STAG1: variants seen among roughly 807,000 people sequenced by gnomAD.
STAG1 encodes STAG1 cohesin complex component, also known as cohesin subunit SA-1.
A neutral mutation model predicts 170.9 loss-of-function variants in STAG1; 26 were observed. That is an observed-to-expected ratio of 0.15 (90% CI 0.11 to 0.21). STAG1 has a LOEUF of 0.21. Among genes scored for constraint, STAG1 ranks in the 10% least tolerant of loss-of-function variants. The pLI is 1.00. For missense variants in STAG1, 964 were observed against 1,509.5 expected, an observed-to-expected ratio of 0.64 and a Z score of 5.99; for synonymous variants, 514 against 497.7, an observed-to-expected ratio of 1.03 and a Z score of -0.44.
At chr3:136,424,418 T>C (rs1335215647) in intron 16 of STAG1, among the ~76,000 whole-genome samples, 1 of 150,932 alleles carries the variant, frequency 6.6e-6, no homozygotes, top group Non-Finnish European at 1.5e-5. Context: ...CAACCTCCGC[T>C]TTGCTTCCTG....
chr3:136,523,568 T>G (rs985594748), intron 6 of STAG1, among the ~76,000 whole-genome samples: 4 of 152,240 alleles, frequency 2.6e-5, no homozygotes, highest in Non-Finnish European at 4.4e-5. Flanking sequence ...GATGGTAGTT[T>G]CTTTTGCTGT....
intron 12 of STAG1, 132 bp downstream of exon 12, chr3:136,472,281 G>A (rs998800917): frequency 2.8e-5 from 14 of 501,458 alleles, no homozygotes; most frequent in South Asian, 6.2e-5. Context: ...TAAATCTAAC[G>A]TTAAAATGTA....
chr3:136,374,548 T>C lies in STAG1; in HGVS notation c.2370+3112A>G, dbSNP rs566852387. ...AGGAGAATTGCTTGAACCTGGGAGG[T>C]GGAGGTTGGGGTGACCCGAGAATGT... On this transcript the variant is annotated intron_variant, in intron 23 of 33. Transcript: ENST00000383202. Among the ~76,000 whole-genome samples, 143 of 150,860 alleles carry C rather than the reference T, an allele frequency of 9.5e-4. No homozygotes were observed. The South Asian group carries it at 0.013, about 14-fold the overall frequency.
intron 1 of STAG1, among the ~76,000 whole-genome samples, chr3:136,658,485 T>C (rs534597762): frequency 2.6e-5 from 4 of 152,134 alleles, no homozygotes; most frequent in African/African-American, 9.7e-5. Flanking sequence ...CAAATATAAC[T>C]ATACACCAGC....
chr3:136,519,414 G>C (rs1050379889), intron 7 of STAG1, among the ~76,000 whole-genome samples: 1 of 151,980 alleles, frequency 6.6e-6, no homozygotes, highest in Non-Finnish European at 1.5e-5. Context: ...TTAACTTATT[G>C]CTTCTCCTTC....
Position 136,511,731 on chromosome 3 carries a change from TACA to T in STAG1, c.677-8955_677-8953del, listed in dbSNP as rs374682605. Among the ~76,000 whole-genome samples the T allele has an allele frequency of 1.6e-4, 24 of 152,272 alleles. No homozygotes were observed. In the East Asian group the frequency reaches 2.1e-3, roughly 13 times the overall value. ...AATACCTGGGTGACAAAATAATCTG[TACA>T]ACAAGTCCCTGTGACATAAGCTTTC... On this transcript the variant is annotated intron_variant, in intron 7 of 33. Coordinates refer to ENST00000383202, the MANE Select transcript of STAG1 (RefSeq NM_005862.3).
intron 6 of STAG1, among the ~76,000 whole-genome samples, chr3:136,528,263 T>C (rs1576570774): frequency 6.6e-6 from 1 of 152,190 alleles, no homozygotes; most frequent in East Asian, 1.9e-4. Flanking sequence ...TATGTTTACC[T>C]ACTCAAGCCT....
chr3:136,583,984 T>C (rs563965134), intron 4 of STAG1, among the ~76,000 whole-genome samples: 3 of 152,330 alleles, frequency 2.0e-5, no homozygotes, highest in African/African-American at 4.8e-5. Flanking sequence ...ATCAGCTACA[T>C]GTCACTCAAA....
chr3:136,525,858 T>G (rs190931021), intron 6 of STAG1, among the ~76,000 whole-genome samples: 7 of 152,294 alleles, frequency 4.6e-5, no homozygotes, highest in South Asian at 4.1e-4. Flanking sequence ...TATGTATCCA[T>G]TAGTCATTCA....
chr3:136,478,201 C>A (rs994557155), intron 9 of STAG1, among the ~76,000 whole-genome samples: 2 of 152,136 alleles, frequency 1.3e-5, no homozygotes, highest in Admixed American at 6.5e-5. Context: ...TAGGCTGAGA[C>A]GGAAGAATCC....
intron 10 of STAG1, among the ~76,000 whole-genome samples, chr3:136,476,759 C>G (rs894750477): frequency 4.6e-5 from 7 of 152,060 alleles, no homozygotes; most frequent in Admixed American, 1.3e-4. Context: ...TGGCCAAATT[C>G]CAATAACTTA....
intron 23 of STAG1, 56 bp downstream of exon 23, chr3:136,377,604 G>A (rs1560071221): frequency 2.8e-6 from 4 of 1,412,356 alleles, no homozygotes; most frequent in Non-Finnish European, 3.0e-6. Context: ...TCTTCTTAAT[G>A]TTCATTAATG....
chr3:136,444,202 T>C (rs777106483), intron 14 of STAG1, among the ~76,000 whole-genome samples: 1 of 151,974 alleles, frequency 6.6e-6, no homozygotes, highest in Non-Finnish European at 1.5e-5. Context: ...GCCTCCCGAG[T>C]AGCTGGGATT....
intron 22 of STAG1, among the ~76,000 whole-genome samples, chr3:136,378,093 G>A (rs573790662): frequency 6.6e-6 from 1 of 152,298 alleles, no homozygotes; most frequent in South Asian, 2.1e-4. Flanking sequence ...AGGCAGCAGA[G>A]CAGCACACTG....
intron 1 of STAG1, among the ~76,000 whole-genome samples, chr3:136,684,983 A>C (rs1220471930): frequency 1.3e-5 from 2 of 152,114 alleles, no homozygotes; most frequent in African/African-American, 4.8e-5. Context: ...AGGTACAATC[A>C]ATGAAAGAAA....
chr3:136,500,357 C>T, intron 8 of STAG1, 61 bp from the exon 9 acceptor site: 1 of 1,170,768 alleles, frequency 8.5e-7, no homozygotes, highest in Middle Eastern at 2.0e-4. Context: ...AGGAACAGCT[C>T]CAATTGTTTT....
At chr3:136,592,388 T>C (rs1938228659) in intron 4 of STAG1, among the ~76,000 whole-genome samples, 1 of 152,144 alleles carries the variant, frequency 6.6e-6, no homozygotes, top group Admixed American at 6.5e-5. Flanking sequence ...ACTCATTTTC[T>C]CTCCTGCTGC....
rs187054823 is a variant in STAG1 at position 136,493,010 on chromosome 3, G to A, written c.902+7213C>T. Among the ~76,000 whole-genome samples, 196 of 152,284 alleles carry A rather than the reference G, an allele frequency of 1.3e-3. 1 individual carries two copies. Among genetic ancestry groups the A allele is most frequent in the African/African-American group, 3.6e-3 (149 of 41,542 alleles). The stretch of plus-strand genomic sequence containing the variant: ...AGAGCTTATAAGGGGAGTTGAGAAA[G>A]GAGGAAGGATATAAAATGAATAATT... On this transcript the variant is annotated intron_variant, in intron 9 of 33. Coordinates refer to ENST00000383202, the MANE Select transcript of STAG1 (RefSeq NM_005862.3).
chr3:136,587,349 G>A (rs1002157333), intron 4 of STAG1, among the ~76,000 whole-genome samples: 1 of 152,000 alleles, frequency 6.6e-6, no homozygotes, highest in African/African-American at 2.4e-5. Flanking sequence ...AGACTAGTCT[G>A]GCCATCATGG....
Sources: allele counts gnomAD v4.1 joint callset (sites outside exome capture counted in the v4.1 genomes callset), GRCh38; gene constraint gnomAD v4.1.1; transcripts MANE v1.5; gene names NCBI Gene and HGNC (gene_info 2026-07-23, HGNC 2026-07-21).